The following ANKRD30A variants were observed in gnomAD, a reference collection of about 807,000 sequenced individuals.
The protein encoded by ANKRD30A is ankyrin repeat domain-containing protein 30A.
A neutral mutation model predicts 166.3 loss-of-function variants in ANKRD30A; 170 were observed. That is an observed-to-expected ratio of 1.02 (90% CI 0.90 to 1.16). The LOEUF is 1.16. Among genes scored for constraint, ANKRD30A ranks in the 50% most tolerant of loss-of-function variants. The pLI is 0.00. For synonymous variants in ANKRD30A, 564 were observed against 508.9 expected (o/e 1.11, Z -1.46); for missense variants, 1,630 against 1,518.0 (o/e 1.07, Z -1.23).
intron 25 of ANKRD30A, among the ~76,000 whole-genome samples, chr10:37,191,665 T>A (rs1285474799): frequency 6.6e-6 from 1 of 152,016 alleles, no homozygotes; most frequent in African/African-American, 2.4e-5. Context: ...AGCAACTTTT[T>A]AATTTTTGTT....
downstream of ANKRD30A, chr10:37,232,697 T>TATATATATATAGAGAG (rs1273812991): frequency 1.3e-5 from 1 of 78,400 alleles, no homozygotes. Flanking sequence ...TATATATAAA[T>TATATATATATAGAGAG]AGAGAGAGAG....
intron 31 of ANKRD30A, among the ~76,000 whole-genome samples, chr10:37,210,938 T>C (rs1317365745): frequency 6.6e-6 from 1 of 152,154 alleles, no homozygotes; most frequent in Non-Finnish European, 1.5e-5. Flanking sequence ...TTGATGTTAG[T>C]TGCTTTTGCT....
In ANKRD30A at chr10:37,216,269, A is replaced by C. The variant is rs758265142; in HGVS notation, c.2958A>C (p.Thr986=). 3 of 1,608,682 alleles carry C rather than the reference A, an allele frequency of 1.9e-6. No homozygotes were observed. Among genetic ancestry groups the C allele is most frequent in the Admixed American group, 3.4e-5 (2 of 59,616 alleles). The change falls in exon 32 of 36, where the codon ACA becomes ACC. Residue 986 remains threonine, a synonymous_variant. Transcript: ENST00000361713. ...AAAAAGATCACTGTGAACAACGTAC[A>C]GGAAAAATGGAACAAATGAAAAAGA... ...ELQKDHCEQR[T]GKMEQMKKKF... is the part of the protein sequence containing the mutation.
intron 17 of ANKRD30A, among the ~76,000 whole-genome samples, chr10:37,163,229 C>T (rs1487077586): frequency 8.3e-6 from 1 of 120,216 alleles, no homozygotes; most frequent in Non-Finnish European, 1.7e-5. Flanking sequence ...ACTGATATAA[C>T]CCTTGTGTTT....
chr10:37,197,255 G>C (rs1415759866), intron 27 of ANKRD30A, 26 bp from the exon 28 acceptor site: 2 of 1,607,736 alleles, frequency 1.2e-6, no homozygotes, highest in Admixed American at 3.3e-5. Context: ...ACTTATGATT[G>C]ATGATAAATC....
At chr10:37,196,882 C>T (rs1366643622) in intron 27 of ANKRD30A, among the ~76,000 whole-genome samples, 4 of 152,170 alleles carry the variant, frequency 2.6e-5, no homozygotes, top group African/African-American at 4.8e-5. Flanking sequence ...CAGCTGAACT[C>T]TCATCATAAC....
In ANKRD30A at chr10:37,197,284, C is replaced by T; in HGVS notation, c.2618C>T (p.Pro873Leu). ...LMDMQTFKAE[P>L]PEKPSAFEPA... ...ATAAATCTCTTTTGCTTTTTAGAGC[C>T]TCCCGAGAAGCCATCTGCCTTCGAG... Residue 873 changes from proline to leucine, a missense_variant, in exon 28 of 36, where the codon CCT (proline) becomes CTT (leucine). Coordinates refer to ENST00000361713, the MANE Select transcript of ANKRD30A (RefSeq NM_052997.3). 1.2e-6 allele frequency: 2 copies of T among 1,613,158 alleles called. No homozygotes were observed. Among genetic ancestry groups the T allele is most frequent in the Non-Finnish European group, 1.7e-6 (2 of 1,179,716 alleles).
At chr10:37,167,173 T>C (rs1839420666) in intron 19 of ANKRD30A, among the ~76,000 whole-genome samples, 1 of 151,524 alleles carries the variant, frequency 6.6e-6, no homozygotes, top group South Asian at 2.1e-4. Context: ...AGAAAAGTTT[T>C]ACTGCAGAAT....
chr10:37,137,464 C>T (rs1836787252), intron 6 of ANKRD30A, among the ~76,000 whole-genome samples: 1 of 152,184 alleles, frequency 6.6e-6, no homozygotes, highest in Admixed American at 6.5e-5. Context: ...TCAGGGAATT[C>T]CCTTTCCTAG....
rs780270117 is a variant in ANKRD30A at position 37,152,103 on chromosome 10, A to G, written c.1689A>G (p.Glu563=). 1.9e-6 allele frequency: 3 copies of G among 1,609,232 alleles called. No homozygotes were observed. The South Asian group carries it at 3.3e-5, about 18-fold the overall frequency. ...PPESKQKDYE[E]NSWDSESLCE... is the part of the protein sequence containing the mutation. The stretch of plus-strand genomic sequence containing the variant: ...AATCCAAACAAAAGGACTATGAAGA[A>G]AATTCTTGGGATTCTGAGGTACTAT... The change falls in exon 12 of 36, where the codon GAA becomes GAG. Residue 563 remains glutamate, a synonymous_variant. Coordinates refer to ENST00000361713, the MANE Select transcript of ANKRD30A (RefSeq NM_052997.3).
the ANKRD30A span, among the ~76,000 whole-genome samples, chr10:37,255,570 C>T: frequency 6.6e-6 from 1 of 152,262 alleles, no homozygotes; most frequent in Non-Finnish European, 1.5e-5. Context: ...ATCATCACAA[C>T]TATGTATTTC....
At chr10:37,151,941 A>G in intron 11 of ANKRD30A, 119 bp from the exon 12 acceptor site, 1 of 835,648 alleles carries the variant, frequency 1.2e-6, no homozygotes, top group Non-Finnish European at 1.8e-6. Context: ...GACAAAAAGA[A>G]TATACGGGCC....
At chr10:37,152,995 T>C (rs558565844) in intron 12 of ANKRD30A, among the ~76,000 whole-genome samples, 20 of 152,194 alleles carry the variant, frequency 1.3e-4, no homozygotes, top group Middle Eastern at 3.2e-3. Context: ...TCAAGCACTT[T>C]TTCTATCACC....
At chr10:37,192,768 C>T (rs1473165805) in intron 25 of ANKRD30A, among the ~76,000 whole-genome samples, 1 of 151,970 alleles carries the variant, frequency 6.6e-6, no homozygotes, top group Non-Finnish European at 1.5e-5. Flanking sequence ...TATACGGCCG[C>T]TTTCTCTTAC....
chr10:37,194,672 G>C (rs56405030), intron 27 of ANKRD30A, among the ~76,000 whole-genome samples: 2 of 152,010 alleles, frequency 1.3e-5, no homozygotes, highest in Non-Finnish European at 2.9e-5. Context: ...ATAAATAGTT[G>C]TACACTGTAC....
chr10:37,136,937 G>GA (rs1369561667), intron 6 of ANKRD30A, among the ~76,000 whole-genome samples: 8 of 151,164 alleles, frequency 5.3e-5, no homozygotes, highest in African/African-American at 1.9e-4. Flanking sequence ...AATGTTACCT[G>GA]AAAAAATATT....
chr10:37,143,526 C>T (rs1007195583), intron 7 of ANKRD30A, among the ~76,000 whole-genome samples: 2 of 152,044 alleles, frequency 1.3e-5, no homozygotes, highest in Non-Finnish European at 2.9e-5. Flanking sequence ...TGGCGGCATG[C>T]ACCTGTAATC....
chr10:37,201,773 G>A (rs1841641441), intron 31 of ANKRD30A, among the ~76,000 whole-genome samples: 1 of 152,008 alleles, frequency 6.6e-6, no homozygotes, highest in Non-Finnish European at 1.5e-5. Context: ...GAGAATTACA[G>A]CAAAAGTATT....
At chr10:37,255,464 T>C in the ANKRD30A span, among the ~76,000 whole-genome samples, 2 of 152,224 alleles carry the variant, frequency 1.3e-5, no homozygotes, top group Non-Finnish European at 2.9e-5. Context: ...TGTTACAATG[T>C]TTTATTGTGG....
Sources: allele counts gnomAD v4.1 joint callset (sites outside exome capture counted in the v4.1 genomes callset), GRCh38; gene constraint gnomAD v4.1.1; transcripts MANE v1.5; gene names NCBI Gene and HGNC (gene_info 2026-07-23, HGNC 2026-07-21).